The following NFIB variants were observed in gnomAD, a reference collection of about 807,000 sequenced individuals.
NFIB encodes nuclear factor 1 B-type.
A neutral mutation model predicts 61.5 loss-of-function variants in NFIB; 11 were observed. The observed-to-expected ratio is 0.18, with a 90% confidence interval of 0.11 to 0.30. The LOEUF is 0.30. NFIB is among the 10% of genes least tolerant of loss of function. The probability of loss-of-function intolerance (pLI) is 1.00; values close to 1 mark genes in which losing one functional copy is unlikely to be tolerated. For missense variants in NFIB, 471 were observed against 608.9 expected, an observed-to-expected ratio of 0.77 and a Z score of 2.38; for synonymous variants, 260 against 216.5, an observed-to-expected ratio of 1.20 and a Z score of -1.76.
intron 2 of NFIB, among the ~76,000 whole-genome samples, chr9:14,248,758 A>G (rs1241184186): frequency 6.6e-6 from 1 of 152,198 alleles, no homozygotes; most frequent in Non-Finnish European, 1.5e-5. Context: ...GGGTAGTCCA[A>G]GGAGATCCAG....
intron 6 of NFIB, among the ~76,000 whole-genome samples, chr9:14,146,053 G>A (rs2042247393): frequency 6.6e-6 from 1 of 151,914 alleles, no homozygotes; most frequent in Non-Finnish European, 1.5e-5. Flanking sequence ...TATATCTAAT[G>A]AAATATAGTA....
intron 1 of NFIB, among the ~76,000 whole-genome samples, chr9:14,332,346 A>T (rs1191800482): frequency 1.3e-5 from 2 of 151,402 alleles, no homozygotes; most frequent in African/African-American, 4.8e-5. Flanking sequence ...AAAAAAAAAA[A>T]AAAACACACA....
chr9:14,473,981 C>A, the NFIB span, among the ~76,000 whole-genome samples: 2 of 152,112 alleles, frequency 1.3e-5, no homozygotes, highest in African/African-American at 4.8e-5. Context: ...TTCAGGAAGC[C>A]GCTGGACATG....
chr9:14,147,109 T>C (rs2042350658), intron 5 of NFIB, among the ~76,000 whole-genome samples: 1 of 152,222 alleles, frequency 6.6e-6, no homozygotes, highest in South Asian at 2.1e-4. Context: ...TAATGTTGTT[T>C]GCCTTCTAAC....
chr9:14,366,232 G>C (rs187346996), intron 1 of NFIB, among the ~76,000 whole-genome samples: 1 of 152,224 alleles, frequency 6.6e-6, no homozygotes, highest in Admixed American at 6.5e-5. Context: ...ACGCATACCA[G>C]AAGACACACC....
At chr9:14,455,293 G>C in the NFIB span, among the ~76,000 whole-genome samples, 1 of 152,198 alleles carries the variant, frequency 6.6e-6, no homozygotes, top group Non-Finnish European at 1.5e-5. Flanking sequence ...ATCTGCTTTT[G>C]AAACCTAAGC....
At chr9:14,377,491 A>C (rs918739928) in intron 1 of NFIB, among the ~76,000 whole-genome samples, 29 of 152,032 alleles carry the variant, frequency 1.9e-4, no homozygotes, top group African/African-American at 6.8e-4. Flanking sequence ...TGCTAGGATT[A>C]CAGGCAAGAG....
chr9:14,454,149 T>G, the NFIB span, among the ~76,000 whole-genome samples: 2 of 152,226 alleles, frequency 1.3e-5, no homozygotes, highest in African/African-American at 4.8e-5. Flanking sequence ...TGTTGCCATT[T>G]GTAGGAAAGT....
intron 1 of NFIB, among the ~76,000 whole-genome samples, chr9:14,377,351 G>C (rs1195738797): frequency 3.3e-5 from 5 of 152,112 alleles, no homozygotes; most frequent in Non-Finnish European, 7.4e-5. Flanking sequence ...GAGTAGCCAG[G>C]ACTACAAGTG....
chr9:14,249,884 A>G (rs1259525941), intron 2 of NFIB, among the ~76,000 whole-genome samples: 1 of 152,210 alleles, frequency 6.6e-6, no homozygotes, highest in Non-Finnish European at 1.5e-5. Flanking sequence ...AGGGATAAAT[A>G]GAGGAATTCC....
the NFIB span, among the ~76,000 whole-genome samples, chr9:14,459,431 C>A: frequency 1.4e-4 from 21 of 152,152 alleles, no homozygotes; most frequent in African/African-American, 5.1e-4. Flanking sequence ...AAAACCTAGG[C>A]AATACCATTC....
chr9:14,528,467 T>A, the NFIB span, among the ~76,000 whole-genome samples: 10 of 152,290 alleles, frequency 6.6e-5, no homozygotes, highest in East Asian at 1.7e-3. Flanking sequence ...TCTAGCCTAG[T>A]GTTTGTGCTT....
intron 2 of NFIB, chr9:14,204,447 G>C: frequency 1.8e-6 from 2 of 1,085,494 alleles, no homozygotes; most frequent in Non-Finnish European, 2.8e-6. Context: ...CAGCGGCAGA[G>C]AGTCATCCTC....
chr9:14,397,779 G>C (rs1323520025), intron 1 of NFIB, among the ~76,000 whole-genome samples: 1 of 152,106 alleles, frequency 6.6e-6, no homozygotes. Context: ...TATTAATTAA[G>C]GTATGTTAAT....
At chr9:14,218,245 T>C (rs557568821) in intron 2 of NFIB, among the ~76,000 whole-genome samples, 3 of 152,172 alleles carry the variant, frequency 2.0e-5, no homozygotes, top group Non-Finnish European at 4.4e-5. Context: ...TGAAGCCAAA[T>C]AGAAAATAAA....
At chr9:14,426,901 C>T in the NFIB span, among the ~76,000 whole-genome samples, 1 of 152,066 alleles carries the variant, frequency 6.6e-6, no homozygotes, top group Non-Finnish European at 1.5e-5. Context: ...TGCACTGGAG[C>T]CATACTGAGA....
chr9:14,118,677 C>A (rs2038494899), intron 8 of NFIB, among the ~76,000 whole-genome samples: 1 of 151,722 alleles, frequency 6.6e-6, no homozygotes, highest in Admixed American at 6.6e-5. Context: ...GAAGGTGAAG[C>A]TAACAGCATT....
chr9:14,193,525 C>A (rs1337835282), intron 2 of NFIB, among the ~76,000 whole-genome samples: 1 of 152,150 alleles, frequency 6.6e-6, no homozygotes, highest in African/African-American at 2.4e-5. Context: ...TTCAACATTA[C>A]TCTGTTTCCT....
intron 1 of NFIB, among the ~76,000 whole-genome samples, chr9:14,386,609 G>C (rs1323435509): frequency 2.0e-5 from 1 of 49,402 alleles, no homozygotes; most frequent in Non-Finnish European, 4.2e-5. Flanking sequence ...GAGCCTCTTA[G>C]GGGACAAAAT....
Sources: gnomAD v4.1 joint callset for allele counts (sites outside exome capture counted in the v4.1 genomes callset) on GRCh38, gnomAD v4.1.1 for gene constraint, MANE v1.5 for transcripts, NCBI Gene and HGNC (gene_info 2026-07-23, HGNC 2026-07-21) for gene names.